The following CDH23 variants were observed in gnomAD, a reference collection of about 807,000 sequenced individuals.
CDH23 encodes cadherin-23.
In CDH23, 189 loss-of-function variants were observed where a neutral mutation model predicts 317.1. The ratio of observed to expected loss-of-function variants is 0.60; its 90% CI spans 0.53 to 0.67. The LOEUF is 0.67. Among genes scored for constraint, CDH23 ranks in the 30% least tolerant of loss-of-function variants. The pLI is 0.00. For synonymous variants in CDH23, 1,839 were observed against 1,876.8 expected, an observed-to-expected ratio of 0.98 and a Z score of 0.52; for missense variants, 4,401 against 4,592.4, an observed-to-expected ratio of 0.96 and a Z score of 1.20.
chr10:71,485,102 C>T (rs1354103269), intron 3 of CDH23, among the ~76,000 whole-genome samples: 5 of 148,674 alleles, frequency 3.4e-5, no homozygotes, highest in African/African-American at 1.0e-4. Context: ...TCTCGGCTTA[C>T]GGCAACCTCC....
chr10:71,568,946 G>A lies in CDH23; in HGVS notation c.625-1844G>A, dbSNP rs376143333. ...TATGGGACAGAGAGGGCCTGTGCCA[G>A]GCTAGACAAAAGCCAGCTGCCTGCA... is the stretch of plus-strand genomic sequence containing the variant. On this transcript the variant is annotated intron_variant, in intron 7 of 69. Transcript: ENST00000224721. Among the ~76,000 whole-genome samples, 16 of 152,364 alleles carry A rather than the reference G, an allele frequency of 1.1e-4. No homozygotes were observed. The East Asian group carries it at 1.9e-3, about 18-fold the overall frequency.
intron 57 of CDH23, among the ~76,000 whole-genome samples, chr10:71,806,996 A>C (rs937105559): frequency 1.3e-5 from 2 of 152,178 alleles, no homozygotes; most frequent in Non-Finnish European, 2.9e-5. Flanking sequence ...GCGACTGCTG[A>C]GTGTGAGTGC....
chr10:71,678,558 TG>T (rs1300501050), intron 16 of CDH23, among the ~76,000 whole-genome samples: 1 of 152,110 alleles, frequency 6.6e-6, no homozygotes, highest in Non-Finnish European at 1.5e-5. Flanking sequence ...GCTGGAAGGG[TG>T]AGCACAGGGG....
At chr10:71,713,591 A>G (rs1866081741) in intron 28 of CDH23, 2 of 395,682 alleles carry the variant, frequency 5.1e-6, no homozygotes, top group African/African-American at 2.1e-5. Flanking sequence ...CCAGAAACAC[A>G]GAGAGCCCAG....
chr10:71,807,821 T>G, intron 59 of CDH23, 25 bp from the exon 60 acceptor site: 1 of 1,592,736 alleles, frequency 6.3e-7, no homozygotes, highest in Non-Finnish European at 8.6e-7. Flanking sequence ...GCCCTGCCAC[T>G]TACACCACCT....
chr10:71,670,961 CTT>C (rs762870565), intron 14 of CDH23, among the ~76,000 whole-genome samples: 41 of 128,560 alleles, frequency 3.2e-4, no homozygotes, highest in African/African-American at 4.9e-4. Flanking sequence ...GATTTGGCAT[CTT>C]TTTTTTTTTT....
chr10:71,500,005 C>T lies in CDH23; in HGVS notation c.146-10077C>T, dbSNP rs954979473. 4.7e-4 allele frequency among the ~76,000 whole-genome samples: 54 copies of T among 114,970 alleles called. 2 individuals carry two copies. The East Asian group carries it at 0.011, about 23-fold the overall frequency. 75.4% of individuals were successfully genotyped at this position (114,970 alleles called of 152,430 possible). ...CTGCCCTTCAGCCTGGGTGACAGAGCGAGACTCCATCTCAAAAAAAAAAAA... is the reference window on the plus strand; with the variant it reads ...CTGCCCTTCAGCCTGGGTGACAGAGTGAGACTCCATCTCAAAAAAAAAAAA... On this transcript the variant is annotated intron_variant, in intron 3 of 69. Transcript: ENST00000224721.
At position 71,741,764 on chromosome 10, in the gene CDH23, T is replaced by C. The variant is rs757162087; in HGVS notation, c.4688T>C (p.Leu1563Pro). 18 of 1,612,798 alleles carry C rather than the reference T, an allele frequency of 1.1e-5. No homozygotes were observed. In the South Asian group the frequency reaches 2.0e-4, roughly 18 times the overall value. Residue 1563 changes from leucine (L) to proline (P), a missense_variant, in exon 38 of 70, where the codon CTG (leucine) becomes CCG (proline). Leu to Pro is a moderately conservative substitution (Grantham distance 98). Coordinates refer to ENST00000224721, the MANE Select transcript of CDH23 (RefSeq NM_022124.6). ...CGTGACATCGGGATCAACAGTGTTC[T>C]GTCCTACTACATCACCGAGGGCAAC... ...TDRDIGINSV[L>P]SYYITEGNKD...
chr10:71,531,417 A>G (rs1855369247), intron 6 of CDH23, among the ~76,000 whole-genome samples: 1 of 152,180 alleles, frequency 6.6e-6, no homozygotes, highest in Non-Finnish European at 1.5e-5. Flanking sequence ...ACATGTCTCT[A>G]AAAATATTGT....
chr10:71,784,932 C>A lies in CDH23; in HGVS notation c.5544C>A (p.Asp1848Glu). 3.1e-6 allele frequency: 5 copies of A among 1,614,090 alleles called. No individual in the cohort carries two copies. The South Asian group carries it at 5.5e-5, about 18-fold the overall frequency. The stretch of plus-strand genomic sequence containing the variant: ...GGGTGCTGGACATCAACGACAACGA[C>A]CCTGTGCTGCTGAACCTGCCCATGA... ...GIRVLDINDN[D>E]PVLLNLPMNI... Residue 1848 changes from aspartate (D) to glutamate (E), a missense_variant, in exon 43 of 70, where the codon GAC (aspartate) becomes GAA (glutamate). Asp to Glu is a conservative substitution (Grantham distance 45). This residue lies in a region of CDH23 where 3,068 missense variants were observed against 3,203.3 expected (regional missense o/e 0.96). Transcript: ENST00000224721.
At chr10:71,750,885 C>T in intron 38 of CDH23, 1 of 199,928 alleles carries the variant, frequency 5.0e-6, no homozygotes, top group Non-Finnish European at 1.0e-5. Context: ...GCCCAGTGTC[C>T]ATCTTGTCCC....
At chr10:71,527,227 C>T (rs566446453) in intron 6 of CDH23, among the ~76,000 whole-genome samples, 26 of 152,372 alleles carry the variant, frequency 1.7e-4, no homozygotes, top group African/African-American at 5.8e-4. Context: ...GCACAGGGCA[C>T]GCACGCGTGC....
intron 1 of CDH23, among the ~76,000 whole-genome samples, chr10:71,409,726 G>A (rs561394258): frequency 6.6e-6 from 1 of 152,252 alleles, no homozygotes; most frequent in East Asian, 1.9e-4. Flanking sequence ...ACTAGAAAGG[G>A]ACTTCTCTCC....
At chr10:71,597,188 G>A (rs990749622) in intron 9 of CDH23, among the ~76,000 whole-genome samples, 9 of 150,848 alleles carry the variant, frequency 6.0e-5, no homozygotes, top group Admixed American at 1.3e-4. Context: ...GGCAGGAACC[G>A]ATGGCAGTCC....
At chr10:71,496,068 C>T (rs1852947328) in intron 3 of CDH23, among the ~76,000 whole-genome samples, 1 of 152,212 alleles carries the variant, frequency 6.6e-6, no homozygotes, top group Non-Finnish European at 1.5e-5. Context: ...AATCACTGCT[C>T]TAACCGGGTG....
intron 6 of CDH23, among the ~76,000 whole-genome samples, chr10:71,545,639 A>G (rs549925981): frequency 1.4e-4 from 21 of 152,294 alleles, no homozygotes; most frequent in Admixed American, 2.0e-4. Flanking sequence ...GACGCAGCCA[A>G]ACAAAACTGA....
intron 6 of CDH23, among the ~76,000 whole-genome samples, chr10:71,528,561 A>G (rs1028513706): frequency 3.3e-5 from 5 of 152,230 alleles, no homozygotes; most frequent in Non-Finnish European, 7.3e-5. Flanking sequence ...GAGCGTTATG[A>G]TATTGGAATG....
intron 1 of CDH23, among the ~76,000 whole-genome samples, chr10:71,430,147 G>C (rs1849301111): frequency 6.6e-6 from 1 of 152,166 alleles, no homozygotes; most frequent in Non-Finnish European, 1.5e-5. Flanking sequence ...CAACATGCCA[G>C]GCCTGAGCTG....
chr10:71,753,815 T>A (rs1218527399), intron 38 of CDH23: 1 of 456,362 alleles, frequency 2.2e-6, no homozygotes, highest in Non-Finnish European at 4.4e-6. Context: ...CACAGGGAAG[T>A]TACCCAAAAG....
Sources: allele counts gnomAD v4.1 joint callset (sites outside exome capture counted in the v4.1 genomes callset), GRCh38; gene constraint gnomAD v4.1.1; regional missense constraint gnomAD v4.1.1; transcripts MANE v1.5; gene names NCBI Gene and HGNC (gene_info 2026-07-23, HGNC 2026-07-21).